The following CDCA2 variants were observed in gnomAD, a reference collection of about 807,000 sequenced individuals.
The protein encoded by CDCA2 is cell division cycle associated 2, also known as cell division cycle-associated protein 2.
A neutral mutation model predicts 67.0 loss-of-function variants in CDCA2; 44 were observed. The ratio of observed to expected loss-of-function variants is 0.66; its 90% CI spans 0.52 to 0.84. The LOEUF (loss-of-function observed/expected upper bound fraction) is 0.84, where lower values mean the gene tolerates loss of function less well. Among genes scored for constraint, CDCA2 ranks in the 40% least tolerant of loss-of-function variants. The probability of loss-of-function intolerance (pLI) is 0.00; values close to 1 mark genes in which losing one functional copy is unlikely to be tolerated. For missense variants in CDCA2, 1,253 were observed against 1,203.2 expected (o/e 1.04, Z -0.61); for synonymous variants, 447 against 418.7 (o/e 1.07, Z -0.82).
chr8:25,500,690 AT>A (rs2117549547), intron 13 of CDCA2, among the ~76,000 whole-genome samples: 1 of 152,268 alleles, frequency 6.6e-6, no homozygotes, highest in African/African-American at 2.4e-5. Context: ...TAAAGTTGTC[AT>A]GTTTTTCCTC....
intron 13 of CDCA2, among the ~76,000 whole-genome samples, chr8:25,489,871 C>G (rs1803934018): frequency 6.6e-6 from 1 of 152,300 alleles, no homozygotes; most frequent in African/African-American, 2.4e-5. Flanking sequence ...ATCTGTAAAT[C>G]TGTGTTCAAC....
chr8:25,478,264 C>G (rs1333967249), intron 7 of CDCA2, among the ~76,000 whole-genome samples: 1 of 152,164 alleles, frequency 6.6e-6, no homozygotes, highest in African/African-American at 2.4e-5. Context: ...CTTGTAATCG[C>G]ATTGACAAAT....
chr8:25,464,949 T>C (rs1375957651), intron 4 of CDCA2, among the ~76,000 whole-genome samples: 2 of 152,144 alleles, frequency 1.3e-5, no homozygotes, highest in South Asian at 2.1e-4. Context: ...GGCTTCACGA[T>C]ATGAACTGCT....
At chr8:25,505,894 G>A (rs997340274) in intron 14 of CDCA2, among the ~76,000 whole-genome samples, 11 of 152,116 alleles carry the variant, frequency 7.2e-5, no homozygotes, top group Non-Finnish European at 1.3e-4. Context: ...CTACCCACAC[G>A]TGTCTTCCTG....
At chr8:25,491,987 G>A (rs1405662248) in intron 13 of CDCA2, among the ~76,000 whole-genome samples, 2 of 149,672 alleles carry the variant, frequency 1.3e-5, no homozygotes, top group African/African-American at 2.5e-5. Flanking sequence ...TAGTAAAGAC[G>A]GGGTTTCACT....
intron 14 of CDCA2, among the ~76,000 whole-genome samples, chr8:25,504,625 T>TA (rs1307955548): frequency 6.6e-6 from 1 of 152,156 alleles, no homozygotes; most frequent in Non-Finnish European, 1.5e-5. Context: ...CTGCTTAACA[T>TA]TAGGATAGCA....
At chr8:25,481,790 G>T (rs183410095) in intron 8 of CDCA2, among the ~76,000 whole-genome samples, 118 of 152,300 alleles carry the variant, frequency 7.7e-4, no homozygotes, top group African/African-American at 2.7e-3. Flanking sequence ...TGACTTTTCT[G>T]ATTTAGTTAA....
At chr8:25,502,419 C>T (rs1036066743) in intron 13 of CDCA2, among the ~76,000 whole-genome samples, 3 of 151,922 alleles carry the variant, frequency 2.0e-5, no homozygotes, top group African/African-American at 7.3e-5. Context: ...TACCCCATTC[C>T]GGATATTATT....
chr8:25,468,274 C>T lies in CDCA2; in HGVS notation c.596C>T (p.Ser199Phe), dbSNP rs773404429. 6.2e-7 allele frequency: 1 copy of T among 1,613,876 alleles called. No individual in the cohort carries two copies. Among genetic ancestry groups the T allele is most frequent in the Admixed American group, 1.7e-5 (1 of 60,010 alleles). Residue 199 changes from serine to phenylalanine, a missense_variant, in exon 6 of 15, where the codon TCC (serine) becomes TTC (phenylalanine). Transcript: ENST00000330560. ...QQSGFPAVLSSKRRRISYQRD... is the reference protein window; with the variant it reads ...QQSGFPAVLSFKRRRISYQRD... ...TCTGGGTTCCCTGCAGTGTTGTCCT[C>T]CAAACGTCGGAGAATATCCTATCAG... is the stretch of plus-strand genomic sequence containing the variant.
At chr8:25,492,146 C>T (rs1007427887) in intron 13 of CDCA2, among the ~76,000 whole-genome samples, 1 of 151,756 alleles carries the variant, frequency 6.6e-6, no homozygotes, top group Admixed American at 6.6e-5. Context: ...GGGGGTCTCA[C>T]CTTGTTGCCC....
At chr8:25,506,420 C>A in intron 14 of CDCA2, 90 bp from the exon 15 acceptor site, 2 of 1,248,848 alleles carry the variant, frequency 1.6e-6, no homozygotes, top group Non-Finnish European at 2.2e-6. Flanking sequence ...AACACAAAAA[C>A]AAAACAGGTC....
chr8:25,462,939 G>C (rs1344577454), intron 4 of CDCA2, among the ~76,000 whole-genome samples: 4 of 152,162 alleles, frequency 2.6e-5, no homozygotes, highest in African/African-American at 9.7e-5. Flanking sequence ...AAAGTGCTGG[G>C]GTTACAGGTG....
chr8:25,468,118 CA>C (rs60060887), intron 5 of CDCA2, 98 bp from the exon 6 acceptor site: 3,387 of 158,992 alleles, frequency 0.021, no homozygotes, highest in Middle Eastern at 0.05. Flanking sequence ...AACTCCGTCT[CA>C]AAAAAAAAAA....
Position 25,461,935 on chromosome 8 carries a change from G to GT in CDCA2, c.233-113dup, listed in dbSNP as rs1160173773. On this transcript the variant is annotated intron_variant, in intron 3 of 14. Transcript: ENST00000330560. ...GACTGTGCCAGTAACTCTCCACTGA[G>GT]TTTTTTGTAGCACATGTTTATCATG... 5.0e-6 allele frequency: 5 copies of GT among 998,774 alleles called. No individual in the cohort carries two copies. In the South Asian group the frequency reaches 6.3e-5, roughly 13 times the overall value. 61.9% of individuals were successfully genotyped at this position (998,774 alleles called of 1,614,324 possible). A position where few individuals can be genotyped will look rare whatever the true frequency, so the allele number is the denominator to read the frequency against.
Position 25,507,901 on chromosome 8 carries a change from T to C in CDCA2, c.*163T>C. 3.6e-6 allele frequency: 2 copies of C among 555,700 alleles called. No homozygotes were observed. Among genetic ancestry groups the C allele is most frequent in the Non-Finnish European group, 2.8e-6 (1 of 353,064 alleles). 34.4% of individuals were successfully genotyped at this position (555,700 alleles called of 1,614,324 possible). A position where few individuals can be genotyped will look rare whatever the true frequency, so the allele number is the denominator to read the frequency against. The stretch of plus-strand genomic sequence containing the variant: ...TTTTATGTAGAAATAAATAAGTTTC[T>C]TCATCATTCAGATAGAAAACATTCT... On this transcript the variant is annotated 3_prime_UTR_variant, in exon 15 of 15. Coordinates refer to ENST00000330560, the MANE Select transcript of CDCA2 (RefSeq NM_152562.4).
At chr8:25,487,474 G>T in intron 12 of CDCA2, 140 bp downstream of exon 12, 1 of 604,680 alleles carries the variant, frequency 1.7e-6, no homozygotes, top group Non-Finnish European at 2.9e-6. Flanking sequence ...AGGCACCGTG[G>T]TTCACGCCTG....
chr8:25,469,005 G>A (rs1394672682), intron 6 of CDCA2, among the ~76,000 whole-genome samples: 1 of 152,196 alleles, frequency 6.6e-6, no homozygotes, highest in Non-Finnish European at 1.5e-5. Flanking sequence ...CGATCAAAAG[G>A]CGATATTAGA....
intron 10 of CDCA2, 36 bp downstream of exon 10, chr8:25,484,246 G>T (rs1270097179): frequency 6.2e-7 from 1 of 1,605,050 alleles, no homozygotes; most frequent in South Asian, 1.1e-5. Flanking sequence ...CTTGCCATAT[G>T]TATTTTCATC....
chr8:25,476,857 A>C (rs1039599176), intron 7 of CDCA2, among the ~76,000 whole-genome samples: 5 of 151,708 alleles, frequency 3.3e-5, no homozygotes, highest in Admixed American at 3.3e-4. Flanking sequence ...CCTGGCCTCT[A>C]CCCTCTTTTT....
Sources: gnomAD v4.1 joint callset for allele counts (sites outside exome capture counted in the v4.1 genomes callset) on GRCh38, gnomAD v4.1.1 for gene constraint, MANE v1.5 for transcripts, NCBI Gene and HGNC (gene_info 2026-07-23, HGNC 2026-07-21) for gene names.